The following THBS4 variants were observed in gnomAD, a reference collection of about 807,000 sequenced individuals.
The protein encoded by THBS4 is thrombospondin-4.
In THBS4, 90 loss-of-function variants were observed where a neutral mutation model predicts 115.7. That is an observed-to-expected ratio of 0.78 (90% CI 0.66 to 0.93). The LOEUF (loss-of-function observed/expected upper bound fraction) is 0.93. Ranked by LOEUF, THBS4 falls within the 40% of genes least tolerant of loss-of-function variation. The pLI, the probability that THBS4 is intolerant of heterozygous loss-of-function variation, is 0.00. For missense variants in THBS4, 1,087 were observed against 1,232.7 expected, an observed-to-expected ratio of 0.88 and a Z score of 1.77; for synonymous variants, 460 against 479.3, an observed-to-expected ratio of 0.96 and a Z score of 0.53.
chr5:80,071,655 TACAC>T (rs58150348), intron 13 of THBS4: 13,943 of 147,468 alleles, frequency 0.095, 640 homozygotes, highest in Middle Eastern at 0.14. Context: ...AACACACACA[TACAC>T]ACACACACAC....
At chr5:80,072,466 T>G in intron 14 of THBS4, 70 bp downstream of exon 14, 1 of 1,418,496 alleles carries the variant, frequency 7.0e-7, no homozygotes, top group Non-Finnish European at 9.9e-7. Context: ...TTAAGACGGG[T>G]GTCTAGAAAA....
At position 80,040,098 on chromosome 5, in the gene THBS4, CCAGT is replaced by C; in HGVS notation, c.114_117del (p.Ser38ArgfsTer3). ...CCAGTCTTTGACCTTCTCCCATCTT[CCAGT>C]CAGAGGCTAAACCCAGGCGCTCTGC... On this transcript the variant is annotated frameshift_variant, in exon 2 of 22. Transcript: ENST00000350881. LOFTEE classifies it high-confidence loss of function. 2 of 1,614,110 alleles carry C rather than the reference CCAGT, an allele frequency of 1.2e-6. No individual in the cohort carries two copies. Among genetic ancestry groups the C allele is most frequent in the East Asian group, 4.5e-5 (2 of 44,876 alleles).
At chr5:79,995,969 T>C (rs1357495631) in intron 1 of THBS4, among the ~76,000 whole-genome samples, 1 of 94,882 alleles carries the variant, frequency 1.1e-5, no homozygotes, top group Non-Finnish European at 2.3e-5. Context: ...ACACAATCTC[T>C]ACTAAAAAAA....
At chr5:80,080,579 C>CTTTTTTTGTTTTTTTTTTTTTTTTTT (rs1743445235) in intron 20 of THBS4, among the ~76,000 whole-genome samples, 1 of 50,464 alleles carries the variant, frequency 2.0e-5, no homozygotes, top group Non-Finnish European at 3.5e-5. Flanking sequence ...GCGCTTGTAT[C>CTTTTTTTGTTTTTTTTTTTTTTTTTT]TTTTTTTTTT....
At chr5:80,045,531 C>CTT (rs70982016) in intron 2 of THBS4, among the ~76,000 whole-genome samples, 33 of 135,648 alleles carry the variant, frequency 2.4e-4, no homozygotes, top group Non-Finnish European at 3.4e-4. Flanking sequence ...TTTATGGAGT[C>CTT]TTTTTTTTTT....
At position 80,069,230 on chromosome 5, in the gene THBS4, A is replaced by G. The variant is rs367832056; in HGVS notation, c.1348-1076A>G. The stretch of plus-strand genomic sequence containing the variant: ...GCTTCTTTATCTTTATGCATACACA[A>G]TTTTCCACAATGAGCCTACCACTTT... On this transcript the variant is annotated intron_variant, in intron 10 of 21. Transcript: ENST00000350881. 4.6e-5 allele frequency among the ~76,000 whole-genome samples: 7 copies of G among 152,326 alleles called. No individual in the cohort carries two copies. In the East Asian group the frequency reaches 1.2e-3, roughly 25 times the overall value.
intron 21 of THBS4, 58 bp from the exon 22 acceptor site, chr5:80,083,022 T>G: frequency 6.6e-7 from 1 of 1,510,058 alleles, no homozygotes. Flanking sequence ...CGGGCGGGGG[T>G]CCGGGGTCCG....
At chr5:80,082,574 A>G (rs759155485) in intron 21 of THBS4, 29 bp downstream of exon 21, 1 of 1,612,030 alleles carries the variant, frequency 6.2e-7, no homozygotes, top group South Asian at 1.1e-5. Context: ...ACTGTTCAAC[A>G]TTGTTACTAG....
intron 16 of THBS4, among the ~76,000 whole-genome samples, chr5:80,077,598 G>A (rs190626339): frequency 1.5e-4 from 23 of 152,348 alleles, no homozygotes; most frequent in Admixed American, 1.2e-3. Flanking sequence ...ATGCCAGCAC[G>A]TTAGCTGAAC....
intron 16 of THBS4, 62 bp downstream of exon 16, chr5:80,077,110 G>A (rs2112162037): frequency 7.0e-7 from 1 of 1,433,940 alleles, no homozygotes. Flanking sequence ...AGGCACATGG[G>A]GGCACGCCTC....
At chr5:80,013,158 G>A (rs1359919710) in intron 2 of THBS4, among the ~76,000 whole-genome samples, 1 of 151,892 alleles carries the variant, frequency 6.6e-6, no homozygotes, top group African/African-American at 2.4e-5. Flanking sequence ...TTTGTTTTTT[G>A]ACACAGAGTC....
At chr5:80,009,474 T>C (rs916150213) in intron 2 of THBS4, among the ~76,000 whole-genome samples, 7 of 152,238 alleles carry the variant, frequency 4.6e-5, no homozygotes, top group Admixed American at 2.0e-4. Context: ...ATGGGGAAGT[T>C]TTTAAGGAAT....
At chr5:80,026,601 C>T (rs1326867402) in intron 2 of THBS4, among the ~76,000 whole-genome samples, 1 of 152,192 alleles carries the variant, frequency 6.6e-6, no homozygotes, top group Admixed American at 6.5e-5. Flanking sequence ...CACAGCATTG[C>T]TGTATTCCAA....
chr5:80,082,970 CCTGGGCGGG>C (rs1480111450), intron 21 of THBS4, 101 bp from the exon 22 acceptor site: 1 of 645,600 alleles, frequency 1.5e-6, no homozygotes, highest in Non-Finnish European at 2.2e-6. Context: ...TGCGGGGCGT[CCTGGGCGGG>C]CTAACAGCGC....
At chr5:80,008,753 A>C (rs774146004) in intron 2 of THBS4, among the ~76,000 whole-genome samples, 58 of 152,282 alleles carry the variant, frequency 3.8e-4, no homozygotes, top group Middle Eastern at 3.4e-3. Flanking sequence ...CTACCACCAG[A>C]TGCCAGTAGC....
chr5:80,079,007 C>A lies in THBS4; in HGVS notation c.2314+38C>A, dbSNP rs373348824. 1,186 of 1,613,422 alleles carry A rather than the reference C, an allele frequency of 7.4e-4. 2 individuals are homozygous for A. Among genetic ancestry groups the A allele is most frequent in the Non-Finnish European group, 6.7e-4 (794 of 1,179,628 alleles). On this transcript the variant is annotated intron_variant, in intron 18 of 21. Transcript: ENST00000350881. Reference sequence around the variant, plus strand: ...CCTCAGTTGCCACTCACATAGAATTCTTCCAGCTACTAGTGTGGTTTGTCT... The same window carrying A: ...CCTCAGTTGCCACTCACATAGAATTATTCCAGCTACTAGTGTGGTTTGTCT...
In THBS4 at chr5:80,040,094, T is replaced by C; in HGVS notation, c.106T>C (p.Ser36Pro). ...CTTCCCAGTCTTTGACCTTCTCCCATCTTCCAGTCAGAGGCTAAACCCAGG... is the reference window on the plus strand; with the variant it reads ...CTTCCCAGTCTTTGACCTTCTCCCACCTTCCAGTCAGAGGCTAAACCCAGG... ...ATPQVFDLLP[S>P]SSQRLNPGAL... Residue 36 changes from serine to proline, a missense_variant, in exon 2 of 22, where the codon TCT (serine) becomes CCT (proline). Ser to Pro is a moderately conservative substitution (Grantham distance 74). Coordinates refer to ENST00000350881, the MANE Select transcript of THBS4 (RefSeq NM_003248.6). 1 of 1,614,098 alleles carries C rather than the reference T, an allele frequency of 6.2e-7. No individual in the cohort carries two copies. The highest frequency in any genetic ancestry group is 8.5e-7 in the Non-Finnish European group (1 of 1,180,024).
At chr5:80,079,367 C>A in intron 19 of THBS4, 109 bp downstream of exon 19, 2 of 1,207,088 alleles carry the variant, frequency 1.7e-6, no homozygotes, top group Non-Finnish European at 2.3e-6. Flanking sequence ...AAAATTGATG[C>A]ATTTATGCTA....
At chr5:80,067,815 A>G in intron 9 of THBS4, 158 bp from the exon 10 acceptor site, 1 of 752,084 alleles carries the variant, frequency 1.3e-6, no homozygotes, top group South Asian at 1.9e-5. Context: ...CAACATTCAC[A>G]TGATCTTACA....
Sources: allele counts gnomAD v4.1 joint callset (sites outside exome capture counted in the v4.1 genomes callset), GRCh38; gene constraint gnomAD v4.1.1; transcripts MANE v1.5; gene names NCBI Gene and HGNC (gene_info 2026-07-23, HGNC 2026-07-21).